Variants in ACOXL observed in about 807,000 individuals in gnomAD.
ACOXL encodes the protein acyl-CoA oxidase like.
ACOXL carries 70 observed loss-of-function variants against 71.9 expected under a neutral mutation model. The ratio of observed to expected loss-of-function variants is 0.97; its 90% CI spans 0.80 to 1.19. The LOEUF (loss-of-function observed/expected upper bound fraction) is 1.19. Among genes scored for constraint, ACOXL ranks in the 50% most tolerant of loss-of-function variants. The pLI is 0.00. For synonymous variants in ACOXL, 253 were observed against 281.6 expected, an observed-to-expected ratio of 0.90 and a Z score of 1.02; for missense variants, 703 against 736.3, an observed-to-expected ratio of 0.95 and a Z score of 0.52.
intron 10 of ACOXL, among the ~76,000 whole-genome samples, chr2:110,882,222 C>G (rs902136587): frequency 6.6e-6 from 1 of 152,156 alleles, no homozygotes; most frequent in Admixed American, 6.5e-5. Flanking sequence ...AGACAAATGA[C>G]ACTGAACATC....
chr2:111,050,958 G>T (rs1184490192), intron 16 of ACOXL, among the ~76,000 whole-genome samples: 1 of 152,192 alleles, frequency 6.6e-6, no homozygotes, highest in Non-Finnish European at 1.5e-5. Flanking sequence ...CTAACAGATT[G>T]GGGTTGGGAG....
chr2:110,935,628 C>T (rs1399646666), intron 12 of ACOXL, among the ~76,000 whole-genome samples: 1 of 152,230 alleles, frequency 6.6e-6, no homozygotes, highest in Non-Finnish European at 1.5e-5. Flanking sequence ...CCTCACAGAA[C>T]TCTGCGCCCA....
intron 9 of ACOXL, among the ~76,000 whole-genome samples, chr2:110,817,908 T>A (rs1213129279): frequency 6.6e-6 from 1 of 151,902 alleles, no homozygotes; most frequent in Non-Finnish European, 1.5e-5. Context: ...CCCTTTCTTC[T>A]ATTTGCCGTC....
chr2:111,100,925 A>C (rs1477330238), intron 17 of ACOXL: 4 of 152,626 alleles, frequency 2.6e-5, no homozygotes, highest in Admixed American at 2.0e-4. Context: ...GTCTAAAATG[A>C]CCACTAGGGT....
chr2:110,787,084 G>A (rs1033923922), intron 3 of ACOXL, among the ~76,000 whole-genome samples: 5 of 152,000 alleles, frequency 3.3e-5, no homozygotes, highest in Non-Finnish European at 5.9e-5. Context: ...GGTGGCGGGG[G>A]GAGGGAGATG....
At chr2:110,963,343 T>C (rs2061778714) in intron 12 of ACOXL, among the ~76,000 whole-genome samples, 2 of 152,142 alleles carry the variant, frequency 1.3e-5, no homozygotes, top group African/African-American at 2.4e-5. Flanking sequence ...GTCCACTTTA[T>C]TGAAATCTTT....
At chr2:110,927,251 A>G (rs1327311351) in intron 11 of ACOXL, among the ~76,000 whole-genome samples, 1 of 151,932 alleles carries the variant, frequency 6.6e-6, no homozygotes, top group East Asian at 1.9e-4. Flanking sequence ...TGATTCAATC[A>G]CCTCTCGCCA....
At chr2:110,980,815 G>T (rs190163022) in intron 12 of ACOXL, among the ~76,000 whole-genome samples, 9 of 152,296 alleles carry the variant, frequency 5.9e-5, no homozygotes, top group African/African-American at 2.2e-4. Context: ...CGCTCTGCCC[G>T]CGGCCCTGAA....
At chr2:110,997,912 G>A (rs948777059) in intron 14 of ACOXL, among the ~76,000 whole-genome samples, 6 of 152,046 alleles carry the variant, frequency 3.9e-5, no homozygotes, top group Non-Finnish European at 8.8e-5. Flanking sequence ...TTAGCCAGGT[G>A]TGGCAGCACA....
intron 12 of ACOXL, among the ~76,000 whole-genome samples, chr2:110,958,049 CAAAAAA>C (rs35899146): frequency 2.1e-5 from 2 of 96,120 alleles, no homozygotes; most frequent in African/African-American, 4.4e-5. Flanking sequence ...GACTCCGTCT[CAAAAAA>C]AAAAAAAAAA....
intron 12 of ACOXL, among the ~76,000 whole-genome samples, chr2:110,984,770 G>A (rs898820254): frequency 5.9e-5 from 9 of 152,248 alleles, no homozygotes; most frequent in Non-Finnish European, 1.0e-4. Flanking sequence ...GGAATTGGAC[G>A]TATTGGATGA....
At chr2:110,886,290 G>T (rs755992980) in intron 10 of ACOXL, among the ~76,000 whole-genome samples, 31 of 151,868 alleles carry the variant, frequency 2.0e-4, no homozygotes, top group Non-Finnish European at 3.7e-4. Context: ...TTAACCATGG[G>T]TCGGCCACAT....
intron 10 of ACOXL, among the ~76,000 whole-genome samples, chr2:110,859,393 G>GAA (rs2148972648): frequency 6.6e-6 from 1 of 152,286 alleles, no homozygotes; most frequent in East Asian, 1.9e-4. Context: ...CATTTTATTT[G>GAA]ACATGCACAG....
At chr2:110,863,547 AT>A in intron 10 of ACOXL, among the ~76,000 whole-genome samples, 1 of 152,220 alleles carries the variant, frequency 6.6e-6, no homozygotes, top group Non-Finnish European at 1.5e-5. Context: ...AAAATTAAAA[AT>A]AAGGAAGAAA....
intron 13 of ACOXL, among the ~76,000 whole-genome samples, chr2:110,988,880 TG>T (rs1168264222): frequency 2.0e-5 from 3 of 151,886 alleles, no homozygotes; most frequent in African/African-American, 7.3e-5. Flanking sequence ...TGTGTGTGTG[TG>T]TGTGTGTGTG....
intron 12 of ACOXL, among the ~76,000 whole-genome samples, chr2:110,959,045 A>T (rs997962191): frequency 1.3e-5 from 2 of 152,218 alleles, no homozygotes; most frequent in Non-Finnish European, 2.9e-5. Context: ...ATTACCTCTG[A>T]ATGAAACACA....
At chr2:111,055,935 A>C (rs2066513121) in intron 16 of ACOXL, among the ~76,000 whole-genome samples, 1 of 152,254 alleles carries the variant, frequency 6.6e-6, no homozygotes, top group Admixed American at 6.5e-5. Flanking sequence ...CTAGAGCCAC[A>C]CAGAAAGAAG....
At chr2:111,049,141 A>G (rs971702074) in intron 15 of ACOXL, 77 bp from the exon 16 acceptor site, 33 of 1,133,816 alleles carry the variant, frequency 2.9e-5, no homozygotes, top group Admixed American at 1.4e-4. Flanking sequence ...TGTTATAACC[A>G]CAGTGTCCTC....
intron 12 of ACOXL, among the ~76,000 whole-genome samples, chr2:110,964,656 C>T (rs1262756981): frequency 6.6e-6 from 1 of 152,182 alleles, no homozygotes; most frequent in African/African-American, 2.4e-5. Flanking sequence ...TACTGAATAC[C>T]ATAGGCTACT....
Sources: gnomAD v4.1 joint callset for allele counts (sites outside exome capture counted in the v4.1 genomes callset) on GRCh38, gnomAD v4.1.1 for gene constraint, MANE v1.5 for transcripts, NCBI Gene and HGNC (gene_info 2026-07-23, HGNC 2026-07-21) for gene names.